PTN: variants seen among roughly 807,000 people sequenced by gnomAD.
PTN encodes pleiotrophin.
In PTN, 18 loss-of-function variants were observed where a neutral mutation model predicts 24.1. The observed-to-expected ratio is 0.75, with a 90% CI of 0.52 to 1.11. The LOEUF is 1.11. Ranked by LOEUF, PTN falls within the 50% of genes least tolerant of loss-of-function variation. The probability of loss-of-function intolerance (pLI) is 0.00; values close to 1 mark genes in which losing one functional copy is unlikely to be tolerated. For synonymous variants in PTN, 78 were observed against 68.6 expected (o/e 1.14, Z -0.67); for missense variants, 163 against 198.8 (o/e 0.82, Z 1.08).
intron 1 of PTN, among the ~76,000 whole-genome samples, chr7:137,293,145 C>G (rs947598849): frequency 1.5e-4 from 23 of 152,088 alleles, no homozygotes; most frequent in African/African-American, 5.3e-4. Flanking sequence ...TCCTGGTCTT[C>G]TAAATTGGTT....
chr7:137,271,639 G>C (rs535637249), intron 1 of PTN, among the ~76,000 whole-genome samples: 1 of 152,082 alleles, frequency 6.6e-6, no homozygotes, highest in South Asian at 2.1e-4. Context: ...TTCCTTTATC[G>C]CTTTAATTTA....
chr7:137,332,217 A>G (rs572690663), intron 1 of PTN, among the ~76,000 whole-genome samples: 1 of 152,306 alleles, frequency 6.6e-6, no homozygotes, highest in African/African-American at 2.4e-5. Context: ...GAAAAACCGT[A>G]AAGGTATATC....
At chr7:137,312,718 A>T (rs953677368) in intron 1 of PTN, among the ~76,000 whole-genome samples, 1 of 152,232 alleles carries the variant, frequency 6.6e-6, no homozygotes, top group Non-Finnish European at 1.5e-5. Flanking sequence ...GCCAATTTTT[A>T]AAATAAAAAA....
Position 137,254,890 on chromosome 7 carries a change from A to G in PTN, c.84T>C (p.Asp28=). 1 of 1,582,522 alleles carries G rather than the reference A, an allele frequency of 6.3e-7. No homozygotes were observed. The highest frequency in any genetic ancestry group is 8.6e-7 in the Non-Finnish European group (1 of 1,156,548). ...LAFIFILAAV[D]TAEAGKKEKP... Reference sequence around the variant, plus strand: ...TCTCTTTCTTCCCTGCTTCAGCAGTATCCACAGCTGCCAGTATGAAAATGA... The same window carrying G: ...TCTCTTTCTTCCCTGCTTCAGCAGTGTCCACAGCTGCCAGTATGAAAATGA... The change falls in exon 2 of 5, where the codon GAT becomes GAC. Residue 28 remains aspartate (D), a synonymous_variant. Transcript: ENST00000348225.
At chr7:137,273,204 A>G (rs183158394) in intron 1 of PTN, among the ~76,000 whole-genome samples, 45 of 152,348 alleles carry the variant, frequency 3.0e-4, no homozygotes, top group African/African-American at 1.1e-3. Flanking sequence ...TGTTAAATAA[A>G]TGAATAAAAT....
intron 1 of PTN, among the ~76,000 whole-genome samples, chr7:137,316,597 A>C (rs1292988806): frequency 6.6e-6 from 1 of 152,200 alleles, no homozygotes; most frequent in Non-Finnish European, 1.5e-5. Flanking sequence ...AGATTTTGAA[A>C]ATGACCCATG....
intron 1 of PTN, among the ~76,000 whole-genome samples, chr7:137,309,417 G>A (rs1173155338): frequency 6.6e-6 from 1 of 152,096 alleles, no homozygotes; most frequent in Non-Finnish European, 1.5e-5. Flanking sequence ...CTGAAGTCTG[G>A]GGTGGCTGTG....
intron 2 of PTN, among the ~76,000 whole-genome samples, chr7:137,254,540 A>ATT (rs71758827): frequency 6.7e-4 from 98 of 146,934 alleles, no homozygotes; most frequent in East Asian, 3.0e-3. Context: ...GTTGCAGTGC[A>ATT]TTTTTTTTTT....
chr7:137,256,149 G>A (rs766370410), intron 1 of PTN, among the ~76,000 whole-genome samples: 1 of 151,934 alleles, frequency 6.6e-6, no homozygotes, highest in African/African-American at 2.4e-5. Context: ...CTTTTCTGTG[G>A]CATTGTATAT....
intron 1 of PTN, among the ~76,000 whole-genome samples, chr7:137,259,617 T>A (rs538108604): frequency 8.0e-5 from 12 of 150,838 alleles, no homozygotes; most frequent in African/African-American, 2.5e-4. Flanking sequence ...GTGCTTTTTT[T>A]ATTAAAAAAA....
At chr7:137,340,274 T>C (rs320721) in intron 1 of PTN, among the ~76,000 whole-genome samples, 58,792 of 152,016 alleles carry the variant, frequency 0.39, 11,644 homozygotes, top group South Asian at 0.47. Context: ...TACCCTCTGA[T>C]AGTGTTCCAT....
Position 137,343,495 on chromosome 7 carries a change from G to T in PTN, c.-58C>A. 1 of 518,864 alleles carries T rather than the reference G, an allele frequency of 1.9e-6. No individual in the cohort carries two copies. Among genetic ancestry groups the T allele is most frequent in the South Asian group, 1.4e-5 (1 of 71,566 alleles). 32.1% of individuals were successfully genotyped at this position (518,864 alleles called of 1,614,324 possible). On this transcript the variant is annotated 5_prime_UTR_variant, in exon 1 of 5. Coordinates refer to ENST00000348225, the MANE Select transcript of PTN (RefSeq NM_002825.7). ...GTCTGCCTTTGTTGCAAGGGGCGAG[G>T]TTGCTACCGCTGAGTCCAGGTACCC...
At chr7:137,230,972 T>C (rs895827118) in intron 4 of PTN, among the ~76,000 whole-genome samples, 1 of 151,868 alleles carries the variant, frequency 6.6e-6, no homozygotes, top group Admixed American at 6.6e-5. Flanking sequence ...ACACTTCCAC[T>C]ACGACATGTC....
At chr7:137,298,888 T>C (rs1809761021) in intron 1 of PTN, among the ~76,000 whole-genome samples, 1 of 151,980 alleles carries the variant, frequency 6.6e-6, no homozygotes, top group African/African-American at 2.4e-5. Flanking sequence ...TAGGCCTGGT[T>C]AATAGCACCA....
intron 1 of PTN, among the ~76,000 whole-genome samples, chr7:137,321,569 T>C (rs535223752): frequency 6.6e-6 from 1 of 152,360 alleles, no homozygotes; most frequent in African/African-American, 2.4e-5. Flanking sequence ...TATATAGGTT[T>C]ATAATTTTTC....
chr7:137,322,572 T>C lies in PTN; in HGVS notation c.-2+20867A>G, dbSNP rs190926159. 7.2e-4 allele frequency among the ~76,000 whole-genome samples: 109 copies of C among 152,272 alleles called. 1 individual carries two copies. The highest frequency in any genetic ancestry group is 1.1e-3 in the Non-Finnish European group (76 of 68,012). On this transcript the variant is annotated intron_variant, in intron 1 of 4. Transcript: ENST00000348225. ...AAAAACTCTGTTATTCATAAATGTA[T>C]AGAAAAATTAAAATATTGTAAAATT...
intron 1 of PTN, among the ~76,000 whole-genome samples, chr7:137,273,995 G>C (rs2128874817): frequency 6.6e-6 from 1 of 151,988 alleles, no homozygotes; most frequent in Non-Finnish European, 1.5e-5. Flanking sequence ...ATAATTAGGA[G>C]TCCAGAATAA....
chr7:137,336,597 A>G (rs1455692628), intron 1 of PTN, among the ~76,000 whole-genome samples: 1 of 152,194 alleles, frequency 6.6e-6, no homozygotes, highest in East Asian at 1.9e-4. Context: ...AGGATTTTCA[A>G]TCTGCATTTA....
chr7:137,302,602 T>C (rs1331680684), intron 1 of PTN, among the ~76,000 whole-genome samples: 1 of 152,022 alleles, frequency 6.6e-6, no homozygotes, highest in African/African-American at 2.4e-5. Context: ...CTGGGTATGT[T>C]TTCCAGGTTA....
Sources: gnomAD v4.1 joint callset for allele counts (sites outside exome capture counted in the v4.1 genomes callset) on GRCh38, gnomAD v4.1.1 for gene constraint, MANE v1.5 for transcripts, NCBI Gene and HGNC (gene_info 2026-07-23, HGNC 2026-07-21) for gene names.